MACROD2: variants seen among roughly 807,000 people sequenced by gnomAD.
MACROD2 encodes ADP-ribose glycohydrolase MACROD2.
A neutral mutation model predicts 70.4 loss-of-function variants in MACROD2; 36 were observed. That is an observed-to-expected ratio of 0.51 (90% CI 0.39 to 0.68). The LOEUF is 0.68. Ranked by LOEUF, MACROD2 falls within the 30% of genes least tolerant of loss-of-function variation. The pLI, the probability that MACROD2 is intolerant of heterozygous loss-of-function variation, is 0.00. For missense variants in MACROD2, 496 were observed against 538.4 expected (o/e 0.92, Z 0.78); for synonymous variants, 172 against 178.8 (o/e 0.96, Z 0.30).
At chr20:15,587,623 AC>A (rs1235651756) in intron 8 of MACROD2, among the ~76,000 whole-genome samples, 2 of 152,256 alleles carry the variant, frequency 1.3e-5, no homozygotes, top group African/African-American at 4.8e-5. Flanking sequence ...TTGGGTAAAT[AC>A]AGCCATTCCA....
At chr20:15,504,739 A>T (rs2047404702) in intron 8 of MACROD2, among the ~76,000 whole-genome samples, 1 of 152,206 alleles carries the variant, frequency 6.6e-6, no homozygotes, top group Non-Finnish European at 1.5e-5. Flanking sequence ...GTAAAAATTG[A>T]CAGCAGGTAG....
At chr20:15,424,347 G>GA (rs1226004264) in intron 6 of MACROD2, among the ~76,000 whole-genome samples, 2 of 152,192 alleles carry the variant, frequency 1.3e-5, no homozygotes, top group Non-Finnish European at 2.9e-5. Context: ...ACCATGGTTT[G>GA]AAAATGCTGA....
At chr20:15,914,540 A>G (rs1403814274) in intron 10 of MACROD2, among the ~76,000 whole-genome samples, 2 of 152,358 alleles carry the variant, frequency 1.3e-5, no homozygotes, top group South Asian at 2.1e-4. Context: ...TGAGGATTAC[A>G]TGAGATAACA....
chr20:15,406,569 A>T (rs898432031), intron 6 of MACROD2, among the ~76,000 whole-genome samples: 1 of 152,240 alleles, frequency 6.6e-6, no homozygotes, highest in African/African-American at 2.4e-5. Context: ...TAATTAAAAG[A>T]AGATGAAAAG....
At chr20:14,508,580 T>C (rs1012969715) in intron 4 of MACROD2, among the ~76,000 whole-genome samples, 1 of 152,170 alleles carries the variant, frequency 6.6e-6, no homozygotes, top group Non-Finnish European at 1.5e-5. Context: ...AGTTCACTTT[T>C]CATCAGAAAA....
intron 3 of MACROD2, among the ~76,000 whole-genome samples, chr20:14,448,253 G>A (rs1299457652): frequency 6.6e-6 from 1 of 151,980 alleles, no homozygotes; most frequent in African/African-American, 2.4e-5. Context: ...ACAAACTTCA[G>A]TGTACTAAAT....
chr20:15,224,320 G>A (rs1187306696), intron 5 of MACROD2, among the ~76,000 whole-genome samples: 1 of 152,162 alleles, frequency 6.6e-6, no homozygotes, highest in Non-Finnish European at 1.5e-5. Context: ...ACAAGCATGA[G>A]GCTAAAGTAA....
At chr20:15,627,504 G>T (rs1349354130) in intron 8 of MACROD2, among the ~76,000 whole-genome samples, 2 of 152,128 alleles carry the variant, frequency 1.3e-5, no homozygotes, top group African/African-American at 2.4e-5. Context: ...AGGCAGTTTG[G>T]GGAAGGGGGT....
intron 9 of MACROD2, among the ~76,000 whole-genome samples, chr20:15,874,121 T>C (rs1231076073): frequency 2.2e-5 from 3 of 135,188 alleles, no homozygotes; most frequent in African/African-American, 8.2e-5. Flanking sequence ...TGTGTCCATG[T>C]ATTCTCATTG....
chr20:15,479,446 G>C (rs572842612), intron 7 of MACROD2, among the ~76,000 whole-genome samples: 1 of 151,366 alleles, frequency 6.6e-6, no homozygotes, highest in South Asian at 2.1e-4. Flanking sequence ...CTAATTTTTT[G>C]TATTTTTAGT....
chr20:14,609,517 G>C (rs926444589), intron 4 of MACROD2, among the ~76,000 whole-genome samples: 1 of 152,088 alleles, frequency 6.6e-6, no homozygotes, highest in Non-Finnish European at 1.5e-5. Context: ...TGGTGACTCA[G>C]GAAGTTAGAG....
chr20:15,595,207 G>A (rs1269596611), intron 8 of MACROD2, among the ~76,000 whole-genome samples: 1 of 152,224 alleles, frequency 6.6e-6, no homozygotes, highest in Non-Finnish European at 1.5e-5. Flanking sequence ...CTGCACAACA[G>A]TGTGACTGTA....
chr20:15,329,851 G>A (rs2077973452), intron 6 of MACROD2, among the ~76,000 whole-genome samples: 1 of 152,032 alleles, frequency 6.6e-6, no homozygotes, highest in Admixed American at 6.6e-5. Context: ...ACCCCAAAAT[G>A]CTGCACCTTT....
chr20:15,064,892 A>G (rs1422295053), intron 5 of MACROD2, among the ~76,000 whole-genome samples: 1 of 152,248 alleles, frequency 6.6e-6, no homozygotes, highest in Non-Finnish European at 1.5e-5. Context: ...TGATGCTGGC[A>G]TGCCAGAGGC....
At position 14,735,385 on chromosome 20, in the gene MACROD2, A is replaced by G. The variant is rs149360420; in HGVS notation, c.418+50426A>G. ...GGCCAACAAGCACATGAAGCACATG[A>G]ACAGGCGTCCACACTGTCAGTCATT... On this transcript the variant is annotated intron_variant, in intron 5 of 17. Coordinates refer to ENST00000684519, the MANE Select transcript of MACROD2 (RefSeq NM_001351661.2). Among the ~76,000 whole-genome samples the G allele has an allele frequency of 1.2e-3, 188 of 152,336 alleles. 1 individual carries two copies. Among genetic ancestry groups the G allele is most frequent in the African/African-American group, 4.3e-3 (177 of 41,564 alleles).
chr20:15,329,785 C>T (rs1224131097), intron 6 of MACROD2, among the ~76,000 whole-genome samples: 14 of 151,942 alleles, frequency 9.2e-5, no homozygotes, highest in Admixed American at 7.2e-4. Flanking sequence ...ATTCTATCCC[C>T]GACCTACTGA....
chr20:14,702,681 A>G (rs2071220092), intron 5 of MACROD2, among the ~76,000 whole-genome samples: 1 of 135,440 alleles, frequency 7.4e-6, no homozygotes, highest in Admixed American at 7.7e-5. Context: ...ATATACACAT[A>G]TATGTGTATA....
chr20:14,697,908 C>A (rs2123626597), intron 5 of MACROD2, among the ~76,000 whole-genome samples: 1 of 152,298 alleles, frequency 6.6e-6, no homozygotes, highest in East Asian at 1.9e-4. Flanking sequence ...AGGATTTTTA[C>A]CCTGTTGTTT....
chr20:15,669,358 A>G (rs2049946774), intron 8 of MACROD2, among the ~76,000 whole-genome samples: 1 of 152,152 alleles, frequency 6.6e-6, no homozygotes, highest in Non-Finnish European at 1.5e-5. Flanking sequence ...TTCCTTCATT[A>G]TGTGATTGCC....
Sources: gnomAD v4.1 joint callset for allele counts (sites outside exome capture counted in the v4.1 genomes callset) on GRCh38, gnomAD v4.1.1 for gene constraint, MANE v1.5 for transcripts, NCBI Gene and HGNC (gene_info 2026-07-23, HGNC 2026-07-21) for gene names.